The following POU2F2 variants were observed in gnomAD, a reference collection of about 807,000 sequenced individuals.
The protein encoded by POU2F2 is POU class 2 homeobox 2.
In POU2F2, 14 loss-of-function variants were observed where a neutral mutation model predicts 63.5. The observed-to-expected ratio is 0.22, with a 90% CI of 0.15 to 0.34. The LOEUF is 0.34. Ranked by LOEUF, POU2F2 falls within the 10% of genes least tolerant of loss-of-function variation. The pLI, the probability that POU2F2 is intolerant of heterozygous loss-of-function variation, is 1.00. For missense variants in POU2F2, 607 were observed against 815.2 expected (o/e 0.74, Z 3.11); for synonymous variants, 306 against 348.6 (o/e 0.88, Z 1.36).
At chr19:42,139,494 T>A (rs1010697867) in intron 2 of POU2F2, among the ~76,000 whole-genome samples, 12 of 152,162 alleles carry the variant, frequency 7.9e-5, no homozygotes, top group African/African-American at 2.9e-4. Flanking sequence ...TCTTTTATTT[T>A]ATTTTACTTT....
At chr19:42,131,702 A>T (rs2033748795) in intron 1 of POU2F2, among the ~76,000 whole-genome samples, 1 of 152,164 alleles carries the variant, frequency 6.6e-6, no homozygotes, top group Non-Finnish European at 1.5e-5. Flanking sequence ...ACATAATGAA[A>T]TTCCCAGCAG....
At chr19:42,174,430 G>A (rs187204066) in intron 1 of POU2F2, among the ~76,000 whole-genome samples, 9 of 152,280 alleles carry the variant, frequency 5.9e-5, no homozygotes, top group African/African-American at 1.9e-4. Context: ...CGGCTTCCAC[G>A]CACAGAGCCA....
chr19:42,107,386 AT>A (rs2030278611), intron 5 of POU2F2, among the ~76,000 whole-genome samples: 6 of 152,320 alleles, frequency 3.9e-5, no homozygotes, highest in Admixed American at 3.9e-4. Flanking sequence ...ATTTAAAAAA[AT>A]ATAGGCATCA....
At chr19:42,188,145 G>A (rs889121885) in intron 1 of POU2F2, among the ~76,000 whole-genome samples, 3 of 151,846 alleles carry the variant, frequency 2.0e-5, no homozygotes, top group Non-Finnish European at 2.9e-5. Context: ...CAGGCAGATC[G>A]CTTGAGCTCA....
At chr19:42,144,711 T>A (rs1161896858) in intron 2 of POU2F2, among the ~76,000 whole-genome samples, 1 of 152,266 alleles carries the variant, frequency 6.6e-6, no homozygotes, top group East Asian at 1.9e-4. Context: ...TCTTTTGGCA[T>A]CTTCCCAACA....
intron 5 of POU2F2, among the ~76,000 whole-genome samples, chr19:42,109,760 C>T (rs1210065625): frequency 1.3e-5 from 2 of 152,184 alleles, no homozygotes; most frequent in African/African-American, 4.8e-5. Context: ...CCGCTTCAGA[C>T]TCCCAAGTAG....
upstream of POU2F2, among the ~76,000 whole-genome samples, chr19:42,133,271 G>T (rs1314361106): frequency 6.6e-6 from 1 of 152,224 alleles, no homozygotes; most frequent in Non-Finnish European, 1.5e-5. This position sits in a 1 kb window ranked among gnomAD's most constrained non-coding sequence, Gnocchi z 5.1. Flanking sequence ...CCAGCCAATG[G>T]GCCGGAGGGC....
chr19:42,092,324 G>A lies in POU2F2; in HGVS notation c.1265-54C>T. On this transcript the variant is annotated intron_variant, in intron 12 of 14. Coordinates refer to ENST00000692977, the MANE Select transcript of POU2F2 (RefSeq NM_001394376.1). This position sits in a 1 kb window ranked among gnomAD's most constrained non-coding sequence, Gnocchi z 5.0. ...CTTCAGCTTCCACTCGTCCCCCACT[G>A]AGGAACCTGGGGTCAGCTCCTACTT... 7.3e-7 allele frequency: 1 copy of A among 1,362,390 alleles called. No individual in the cohort carries two copies. Among genetic ancestry groups the A allele is most frequent in the East Asian group, 2.5e-5 (1 of 40,032 alleles). The allele number at this position is 1,362,390 out of a possible 1,614,324, so 84.4% of individuals were successfully genotyped here. A position where few individuals can be genotyped will look rare whatever the true frequency, so the allele number is the denominator to read the frequency against.
intron 2 of POU2F2, among the ~76,000 whole-genome samples, chr19:42,157,955 T>G (rs959839230): frequency 2.0e-5 from 3 of 152,128 alleles, no homozygotes; most frequent in African/African-American, 7.2e-5. Flanking sequence ...ATCCTGGGGC[T>G]CCAGCTCCCA....
At chr19:42,192,425 A>G (rs1251633456) in intron 1 of POU2F2, among the ~76,000 whole-genome samples, 1 of 152,170 alleles carries the variant, frequency 6.6e-6, no homozygotes, top group Non-Finnish European at 1.5e-5. Flanking sequence ...GCCAGAGTTT[A>G]TCAAGGGTGG....
At chr19:42,123,957 C>T (rs1183095876) in intron 1 of POU2F2, among the ~76,000 whole-genome samples, 3 of 152,172 alleles carry the variant, frequency 2.0e-5, no homozygotes, top group African/African-American at 7.2e-5. Flanking sequence ...CATGACCCCA[C>T]TCCTACTAAA....
At chr19:42,168,516 C>T (rs1418271566) in intron 1 of POU2F2, among the ~76,000 whole-genome samples, 1 of 152,200 alleles carries the variant, frequency 6.6e-6, no homozygotes, top group Non-Finnish European at 1.5e-5. Flanking sequence ...AGTCTTCTGC[C>T]TTCTTCTCTG....
intron 1 of POU2F2, among the ~76,000 whole-genome samples, chr19:42,195,967 A>G (rs1031508620): frequency 5.3e-4 from 81 of 152,082 alleles, no homozygotes; most frequent in Admixed American, 1.2e-3. Flanking sequence ...TTTAGTAGAG[A>G]CGGGGTTTCA....
intron 1 of POU2F2, among the ~76,000 whole-genome samples, chr19:42,124,379 T>TAAA (rs58616252): frequency 1.5e-5 from 2 of 132,558 alleles, no homozygotes; most frequent in Admixed American, 1.5e-4. Flanking sequence ...TCAGTAACTG[T>TAAA]AAAAAAAAAA....
At chr19:42,094,727 C>G (rs954133209) in intron 11 of POU2F2, among the ~76,000 whole-genome samples, 6 of 152,302 alleles carry the variant, frequency 3.9e-5, no homozygotes, top group Non-Finnish European at 8.8e-5. Context: ...TTGTGGCTGG[C>G]TAACTCTCCC....
At chr19:42,187,732 G>A (rs182871980) in intron 1 of POU2F2, among the ~76,000 whole-genome samples, 2 of 146,770 alleles carry the variant, frequency 1.4e-5, no homozygotes, top group East Asian at 4.0e-4. Flanking sequence ...ACTGCATTCC[G>A]GTCTGACCGA....
At position 42,090,233 on chromosome 19, in the gene POU2F2, G is replaced by A. The variant is rs1378595185; in HGVS notation, c.*1024C>T. On this transcript the variant is annotated 3_prime_UTR_variant, in exon 15 of 15. Coordinates refer to ENST00000692977, the MANE Select transcript of POU2F2 (RefSeq NM_001394376.1). The surrounding 1 kb of genome is among the most constrained non-coding windows in gnomAD (Gnocchi z 4.4). ...TTTTTTTTTTCAGGGAAACAGACAGGATGGAAAAAGACAACTGAATGCCCT... is the reference window on the plus strand; with the variant it reads ...TTTTTTTTTTCAGGGAAACAGACAGAATGGAAAAAGACAACTGAATGCCCT... 6.6e-6 allele frequency: 1 copy of A among 152,538 alleles called. No individual in the cohort carries two copies. Among genetic ancestry groups the A allele is most frequent in the Admixed American group, 6.5e-5 (1 of 15,276 alleles). 9.4% of individuals were successfully genotyped at this position (152,538 alleles called of 1,614,324 possible).
chr19:42,095,547 C>T lies in POU2F2; in HGVS notation c.1018G>A (p.Ala340Thr), dbSNP rs757623145. 4 of 1,602,036 alleles carry T rather than the reference C, an allele frequency of 2.5e-6. No individual in the cohort carries two copies. Among genetic ancestry groups the T allele is most frequent in the Non-Finnish European group, 3.4e-6 (4 of 1,173,958 alleles). ...CACCCAGGAGAGGGGGGCCTCACCGCTAGAAAACTCTTCTCTAAGGCGAAG... is the reference window on the plus strand; with the variant it reads ...CACCCAGGAGAGGGGGGCCTCACCGTTAGAAAACTCTTCTCTAAGGCGAAG... ...VRFALEKSFL[A>T]NQKPTSEEIL... Residue 340 changes from alanine to threonine, a missense_variant and splice_region_variant, in exon 10 of 15, where the codon GCG becomes ACG. Ala to Thr is a moderately conservative substitution (Grantham distance 58). This residue lies in a region of POU2F2 where 36 missense variants were observed against 63.8 expected (regional missense o/e 0.56). Coordinates refer to ENST00000692977, the MANE Select transcript of POU2F2 (RefSeq NM_001394376.1). This position sits in a 1 kb window ranked among gnomAD's most constrained non-coding sequence, Gnocchi z 7.1.
At chr19:42,177,357 C>G (rs938277767), upstream of POU2F2, 3 of 152,694 alleles carry the variant, frequency 2.0e-5, no homozygotes, top group African/African-American at 7.2e-5. Flanking sequence ...CGCGCGCCAT[C>G]CCCGGCTCCC....
Sources: allele counts gnomAD v4.1 joint callset (sites outside exome capture counted in the v4.1 genomes callset), GRCh38; gene constraint gnomAD v4.1.1; regional missense constraint gnomAD v4.1.1; non-coding constraint Gnocchi (gnomAD v3.1); transcripts MANE v1.5; gene names NCBI Gene and HGNC (gene_info 2026-07-23, HGNC 2026-07-21).